Variants in NAALADL2 observed in about 807,000 individuals in gnomAD.
The protein encoded by NAALADL2 is inactive N-acetylated-alpha-linked acidic dipeptidase-like protein 2.
A neutral mutation model predicts 87.2 loss-of-function variants in NAALADL2; 76 were observed. The observed-to-expected ratio is 0.87, with a 90% confidence interval of 0.72 to 1.05. NAALADL2 has a LOEUF of 1.05. Among genes scored for constraint, NAALADL2 ranks in the 50% least tolerant of loss-of-function variants. The pLI is 0.00. For synonymous variants in NAALADL2, 354 were observed against 331.0 expected, an observed-to-expected ratio of 1.07 and a Z score of -0.75; for missense variants, 1,089 against 945.8, an observed-to-expected ratio of 1.15 and a Z score of -1.99.
At chr3:175,559,020 C>G (rs13326112) in intron 9 of NAALADL2, among the ~76,000 whole-genome samples, 1 of 151,806 alleles carries the variant, frequency 6.6e-6, no homozygotes, top group East Asian at 1.9e-4. Context: ...TTGGGTAGTA[C>G]GGACATTTTA....
intron 3 of NAALADL2, among the ~76,000 whole-genome samples, chr3:174,807,903 T>C (rs1438265641): frequency 4.1e-5 from 5 of 121,686 alleles, no homozygotes; most frequent in Admixed American, 9.0e-5. Flanking sequence ...GAGAGAGATA[T>C]GCAGTGGCAG....
rs1373072902 is a variant in NAALADL2 at position 175,785,369 on chromosome 3, T to C, written c.2190-17636T>C. Among the ~76,000 whole-genome samples the C allele has an allele frequency of 2.1e-5, 3 of 144,116 alleles. No homozygotes were observed. The South Asian group carries it at 6.6e-4, about 32-fold the overall frequency. 94.5% of individuals were successfully genotyped at this position (144,116 alleles called of 152,430 possible). A position where few individuals can be genotyped will look rare whatever the true frequency, so the allele number is the denominator to read the frequency against. ...TCTTTGTAGGTCACTCAGGACTTGC[T>C]TTATGAATCTGGGTGCTCCTGTATT... On this transcript the variant is annotated intron_variant, in intron 13 of 13. Transcript: ENST00000454872.
intron 1 of NAALADL2, among the ~76,000 whole-genome samples, chr3:175,092,519 C>A (rs952039212): frequency 2.0e-5 from 3 of 149,188 alleles, no homozygotes; most frequent in South Asian, 4.3e-4. Flanking sequence ...AGGTCTGCAG[C>A]AACCAGAGAT....
chr3:175,090,242 T>G (rs1719839060), intron 1 of NAALADL2, among the ~76,000 whole-genome samples: 1 of 152,072 alleles, frequency 6.6e-6, no homozygotes. Context: ...AGACTTAAAC[T>G]TATGTGGTAG....
chr3:175,471,854 G>A (rs902402400), intron 9 of NAALADL2, 96 bp downstream of exon 9: 7 of 1,016,804 alleles, frequency 6.9e-6, no homozygotes, highest in Non-Finnish European at 1.0e-5. Context: ...TTTTAAATAT[G>A]CATCAAATGT....
At chr3:174,448,953 CG>C (rs997238941) in intron 1 of NAALADL2, among the ~76,000 whole-genome samples, 5 of 152,032 alleles carry the variant, frequency 3.3e-5, no homozygotes, top group Admixed American at 2.6e-4. Context: ...AGTTTTAAGA[CG>C]GGGTGGATCA....
intron 11 of NAALADL2, chr3:175,675,387 A>C (rs1052238810): frequency 1.3e-5 from 2 of 152,254 alleles, no homozygotes; most frequent in East Asian, 3.8e-4. Context: ...ACAAATGGTC[A>C]TTCTTCATGC....
At chr3:175,397,920 C>G (rs2193848) in intron 5 of NAALADL2, among the ~76,000 whole-genome samples, 2 of 151,886 alleles carry the variant, frequency 1.3e-5, no homozygotes, top group Non-Finnish European at 2.9e-5. Context: ...AGGTTGTAAT[C>G]CCTGCCATGT....
Position 175,052,166 on chromosome 3 carries a change from C to T in NAALADL2, c.44-44624C>T, listed in dbSNP as rs373594981. ...TCTGGCTAGTTATCTGCAGCAGGAG[C>T]ATGTCCTTAAGGCACAGATCACTCA... is the stretch of plus-strand genomic sequence containing the variant. On this transcript the variant is annotated intron_variant, in intron 1 of 13. Coordinates refer to ENST00000454872, the MANE Select transcript of NAALADL2 (RefSeq NM_207015.3). Among the ~76,000 whole-genome samples, 632 of 152,318 alleles carry T rather than the reference C, an allele frequency of 4.1e-3. 6 individuals are homozygous for T. The highest frequency in any genetic ancestry group is 0.027 in the South Asian group (128 of 4,820).
intron 1 of NAALADL2, among the ~76,000 whole-genome samples, chr3:174,547,374 A>T (rs147373116): frequency 6.6e-6 from 1 of 152,260 alleles, no homozygotes; most frequent in African/African-American, 2.4e-5. Context: ...TTGATTGCTT[A>T]TACATTGTTA....
intron 10 of NAALADL2, among the ~76,000 whole-genome samples, chr3:175,613,128 T>A (rs1305443931): frequency 1.3e-5 from 2 of 152,122 alleles, no homozygotes; most frequent in East Asian, 3.9e-4. Flanking sequence ...AGTTATAGAA[T>A]CATCTCTTGG....
chr3:175,764,303 A>G (rs983292446), intron 13 of NAALADL2, among the ~76,000 whole-genome samples: 1 of 152,086 alleles, frequency 6.6e-6, no homozygotes, highest in Non-Finnish European at 1.5e-5. Context: ...TCTTTGGGAA[A>G]ACACTTCTGA....
intron 1 of NAALADL2, among the ~76,000 whole-genome samples, chr3:174,914,810 T>C (rs1734167261): frequency 1.3e-5 from 2 of 152,188 alleles, no homozygotes; most frequent in Non-Finnish European, 1.5e-5. Context: ...ACAAATTTGA[T>C]GACCAGAGTC....
chr3:175,409,859 C>T (rs1713155749), intron 5 of NAALADL2, among the ~76,000 whole-genome samples: 1 of 151,726 alleles, frequency 6.6e-6, no homozygotes, highest in Non-Finnish European at 1.5e-5. Flanking sequence ...CAGGAAAGTT[C>T]AAAATATTAG....
chr3:174,639,746 T>A (rs954628115), intron 2 of NAALADL2, among the ~76,000 whole-genome samples: 4 of 152,222 alleles, frequency 2.6e-5, no homozygotes, highest in African/African-American at 9.7e-5. Context: ...TTGCATATTT[T>A]AAAAATCACA....
At chr3:175,233,125 C>T (rs568284854) in intron 2 of NAALADL2, among the ~76,000 whole-genome samples, 10 of 152,216 alleles carry the variant, frequency 6.6e-5, no homozygotes, top group African/African-American at 2.2e-4. Context: ...GTTTTTGTTT[C>T]GGTTTTATTG....
intron 11 of NAALADL2, among the ~76,000 whole-genome samples, chr3:175,705,202 A>G (rs571586963): frequency 6.6e-6 from 1 of 152,102 alleles, no homozygotes; most frequent in South Asian, 2.1e-4. Flanking sequence ...TGTAGGGTTC[A>G]TTTTATCCTC....
At position 174,907,089 on chromosome 3, in the gene NAALADL2, T is replaced by C. The variant is rs956177133; in HGVS notation, c.43+47639T>C. ...GACCATCTTTGTCATTTAATCCAAATTGAAACTGCAAACTCATTTATATTT... is the reference window on the plus strand; with the variant it reads ...GACCATCTTTGTCATTTAATCCAAACTGAAACTGCAAACTCATTTATATTT... On this transcript the variant is annotated intron_variant, in intron 1 of 13. Transcript: ENST00000454872. Among the ~76,000 whole-genome samples the C allele has an allele frequency of 5.9e-5, 9 of 152,070 alleles. No homozygotes were observed. The East Asian group carries it at 1.7e-3, about 29-fold the overall frequency.
At chr3:175,053,479 A>C (rs1755680011) in intron 1 of NAALADL2, among the ~76,000 whole-genome samples, 1 of 152,264 alleles carries the variant, frequency 6.6e-6, no homozygotes, top group African/African-American at 2.4e-5. Context: ...GCATGGCTGC[A>C]ACCAGGGGGT....
Sources: allele counts gnomAD v4.1 joint callset (sites outside exome capture counted in the v4.1 genomes callset), GRCh38; gene constraint gnomAD v4.1.1; transcripts MANE v1.5; gene names NCBI Gene and HGNC (gene_info 2026-07-23, HGNC 2026-07-21).